The following TPM3 variants were observed in gnomAD, a reference collection of about 807,000 sequenced individuals.
The protein encoded by TPM3 is tropomyosin 3.
A neutral mutation model predicts 43.1 loss-of-function variants in TPM3; 16 were observed. That is an observed-to-expected ratio of 0.37 (90% CI 0.25 to 0.56). The LOEUF (loss-of-function observed/expected upper bound fraction) is 0.56, where lower values mean the gene tolerates loss of function less well. Ranked by LOEUF, TPM3 falls within the 20% of genes least tolerant of loss-of-function variation. The pLI, the probability that TPM3 is intolerant of heterozygous loss-of-function variation, is 0.77. For synonymous variants in TPM3, 101 were observed against 116.9 expected (o/e 0.86, Z 0.88); for missense variants, 176 against 337.2 (o/e 0.52, Z 3.74).
chr1:154,172,259 G>T (rs763649602), intron 5 of TPM3: 1 of 799,056 alleles, frequency 1.3e-6, no homozygotes, highest in Admixed American at 1.8e-5. Flanking sequence ...GTTATGTCTG[G>T]CAGACGGGAA....
rs1223705692 is a variant in TPM3, at chr1:154,164,301, G to A, written c.*3636C>T. ...TTCGGCCCTCCAAGTAGATAGGACT[G>A]CAGGCACGCACCACCATGTTTGGCT... On this transcript the variant is annotated 3_prime_UTR_variant, in exon 10 of 10. Coordinates refer to ENST00000651641, the MANE Select transcript of TPM3 (RefSeq NM_152263.4). Among the ~76,000 whole-genome samples, 1 of 152,036 alleles carries A rather than the reference G, an allele frequency of 6.6e-6. No individual in the cohort carries two copies. Among genetic ancestry groups the A allele is most frequent in the Non-Finnish European group, 1.5e-5 (1 of 68,012 alleles).
chr1:154,168,838 CTTTT>C (rs745516100), intron 9 of TPM3, among the ~76,000 whole-genome samples: 6 of 138,512 alleles, frequency 4.3e-5, no homozygotes, highest in African/African-American at 1.1e-4. Context: ...TAATGTTTTT[CTTTT>C]TTTTTTTTTT....
Position 154,167,509 on chromosome 1 carries a change from G to A in TPM3, c.*428C>T. On this transcript the variant is annotated 3_prime_UTR_variant, in exon 10 of 10. Transcript: ENST00000651641. ...TAAGGAATTTAATCTTGTTCAGCTTGAGGAGTATAACTAAAATTACTATCC... is the reference window on the plus strand; with the variant it reads ...TAAGGAATTTAATCTTGTTCAGCTTAAGGAGTATAACTAAAATTACTATCC... 1 of 1,090,150 alleles carries A rather than the reference G, an allele frequency of 9.2e-7. No individual in the cohort carries two copies. The allele number at this position is 1,090,150 out of a possible 1,614,324, so 67.5% of individuals were successfully genotyped here.
At chr1:154,181,050 C>G (rs929067114) in intron 2 of TPM3, among the ~76,000 whole-genome samples, 7 of 152,162 alleles carry the variant, frequency 4.6e-5, no homozygotes, top group African/African-American at 1.7e-4. Context: ...TCTGTCTTCC[C>G]CTTTAAAGCT....
At chr1:154,174,385 T>TATATATATATATATATATATAC (rs1558049124) in intron 3 of TPM3, among the ~76,000 whole-genome samples, 22 of 94,320 alleles carry the variant, frequency 2.3e-4, no homozygotes, top group South Asian at 7.1e-4. Flanking sequence ...TATATATATA[T>TATATATATATATATATATATAC]ATATATATAT....
rs573651804 is a variant in TPM3 at position 154,166,351 on chromosome 1, G to A, written c.*1586C>T. On this transcript the variant is annotated 3_prime_UTR_variant, in exon 10 of 10. Transcript: ENST00000651641. ...AGGAATTTTGACCTGCTCCATTTCCGACCTGGGCCAGTTCACCCCTTCTTA... is the reference window on the plus strand; with the variant it reads ...AGGAATTTTGACCTGCTCCATTTCCAACCTGGGCCAGTTCACCCCTTCTTA... 17 of 244,256 alleles carry A rather than the reference G, an allele frequency of 7.0e-5. No homozygotes were observed. Among genetic ancestry groups the A allele is most frequent in the Non-Finnish European group, 1.0e-4 (13 of 130,070 alleles). The allele number at this position is 244,256 out of a possible 1,614,324, so 15.1% of individuals were successfully genotyped here. A position where few individuals can be genotyped will look rare whatever the true frequency, so the allele number is the denominator to read the frequency against.
At chr1:154,173,342 C>T in intron 3 of TPM3, 141 bp from the exon 4 acceptor site, 2 of 746,888 alleles carry the variant, frequency 2.7e-6, no homozygotes, top group Admixed American at 4.3e-5. Context: ...TTACTACTCC[C>T]ACACCTTAGT....
intron 2 of TPM3, among the ~76,000 whole-genome samples, chr1:154,180,159 G>C (rs1439714359): frequency 1.3e-5 from 2 of 152,178 alleles, no homozygotes; most frequent in Non-Finnish European, 2.9e-5. Flanking sequence ...TCCAGGCCGA[G>C]AGCAGAAAAG....
intron 8 of TPM3, 97 bp from the exon 9 acceptor site, chr1:154,169,480 G>A: frequency 8.0e-7 from 1 of 1,244,760 alleles, no homozygotes; most frequent in South Asian, 1.2e-5. Context: ...TTAGGAAAGT[G>A]TGACTGTGGG....
At chr1:154,174,215 C>T (rs987382320) in intron 3 of TPM3, among the ~76,000 whole-genome samples, 10 of 149,176 alleles carry the variant, frequency 6.7e-5, no homozygotes, top group African/African-American at 2.5e-4. Flanking sequence ...CGCCTGTAAT[C>T]CCAGCTACTT....
intron 2 of TPM3, among the ~76,000 whole-genome samples, chr1:154,179,830 G>C (rs1173924622): frequency 6.6e-6 from 1 of 152,084 alleles, no homozygotes; most frequent in African/African-American, 2.4e-5. Context: ...GCCTCCCAAA[G>C]GGCTGGGATT....
downstream of TPM3, chr1:154,155,354 G>C (rs1294915322): frequency 2.5e-6 from 1 of 407,892 alleles, no homozygotes; most frequent in East Asian, 4.3e-5. Flanking sequence ...TTCTTCTGTT[G>C]CACACTGTTT....
rs1661046269 is a variant in TPM3, at chr1:154,166,920, T to G, written c.*1017A>C. ...CTGGTCTCGAACTCATGACCTCAGG[T>G]GATCCACCTGCCCCAGCCTCCCAAA... On this transcript the variant is annotated 3_prime_UTR_variant, in exon 10 of 10. Coordinates refer to ENST00000651641, the MANE Select transcript of TPM3 (RefSeq NM_152263.4). Among the ~76,000 whole-genome samples, 1 of 152,132 alleles carries G rather than the reference T, an allele frequency of 6.6e-6. No homozygotes were observed. The highest frequency in any genetic ancestry group is 2.1e-4 in the South Asian group (1 of 4,828).
In TPM3 at chr1:154,172,337, C is replaced by T. The variant is rs1193733505; in HGVS notation, c.566+571G>A. On this transcript the variant is annotated intron_variant, in intron 5 of 9. Transcript: ENST00000651641. The stretch of plus-strand genomic sequence containing the variant: ...TTGTTAATCAAGGCCCAGAAGGTAC[C>T]GACGGGAGAGCAGTTAATATCTACC... The T allele has an allele frequency of 2.9e-6, 2 of 689,376 alleles. No individual in the cohort carries two copies. Among genetic ancestry groups the T allele is most frequent in the Non-Finnish European group, 5.5e-6 (2 of 366,954 alleles). The allele number at this position is 689,376 out of a possible 1,614,324, so 42.7% of individuals were successfully genotyped here.
chr1:154,175,330 C>CAAAA lies in TPM3; in HGVS notation c.377+781_377+784dup, dbSNP rs34360728. 3.3e-3 allele frequency among the ~76,000 whole-genome samples: 295 copies of CAAAA among 89,452 alleles called. 3 individuals carry two copies. Among genetic ancestry groups the CAAAA allele is most frequent in the Non-Finnish European group, 5.5e-3 (251 of 45,510 alleles). The allele number at this position is 89,452 out of a possible 152,430, so 58.7% of individuals were successfully genotyped here. A position where few individuals can be genotyped will look rare whatever the true frequency, so the allele number is the denominator to read the frequency against. On this transcript the variant is annotated intron_variant, in intron 3 of 9. Transcript: ENST00000651641. ...TGGGCTATAGAGCGAGACTCTGTCT[C>CAAAA]AAAAAAAAAAAAAAAAAAAAAATTA... is the stretch of plus-strand genomic sequence containing the variant.
rs1043012281 is a variant in TPM3 at position 154,167,367 on chromosome 1, G to A, written c.*570C>T. The A allele has an allele frequency of 1.9e-6, 2 of 1,059,420 alleles. No homozygotes were observed. The highest frequency in any genetic ancestry group is 2.3e-6 in the Non-Finnish European group (2 of 875,682). 65.6% of individuals were successfully genotyped at this position (1,059,420 alleles called of 1,614,324 possible). Reference sequence around the variant, plus strand: ...CACCATTTGAACCACCGGTAAAAGGGTACAGAATGTGTATTGAGAGTCACT... The same window carrying A: ...CACCATTTGAACCACCGGTAAAAGGATACAGAATGTGTATTGAGAGTCACT... On this transcript the variant is annotated 3_prime_UTR_variant, in exon 10 of 10. Coordinates refer to ENST00000651641, the MANE Select transcript of TPM3 (RefSeq NM_152263.4).
At chr1:154,191,814 C>G in intron 1 of TPM3, 88 bp downstream of exon 1, 1 of 1,575,318 alleles carries the variant, frequency 6.3e-7, no homozygotes, top group South Asian at 1.1e-5. Flanking sequence ...GAGGTGACAC[C>G]AGTAGTCACT....
At chr1:154,187,408 G>A in intron 2 of TPM3, 9 of 984,714 alleles carry the variant, frequency 9.1e-6, no homozygotes, top group Non-Finnish European at 1.1e-5. Context: ...TTGTTCTTAT[G>A]CATATCTCTG....
Position 154,167,221 on chromosome 1 carries a change from G to T in TPM3, c.*716C>A. On this transcript the variant is annotated 3_prime_UTR_variant, in exon 10 of 10. Transcript: ENST00000651641. ...CTCAAATATGTAAGAAAGGTTTAAA[G>T]AAGAAAAAGTAAAAAAACCGTCCAG... The T allele has an allele frequency of 1.2e-6, 1 of 849,432 alleles. No homozygotes were observed. The highest frequency in any genetic ancestry group is 1.4e-6 in the Non-Finnish European group (1 of 706,322). The allele number at this position is 849,432 out of a possible 1,614,324, so 52.6% of individuals were successfully genotyped here. A position where few individuals can be genotyped will look rare whatever the true frequency, so the allele number is the denominator to read the frequency against.
Sources: gnomAD v4.1 joint callset for allele counts (sites outside exome capture counted in the v4.1 genomes callset) on GRCh38, gnomAD v4.1.1 for gene constraint, MANE v1.5 for transcripts, NCBI Gene and HGNC (gene_info 2026-07-23, HGNC 2026-07-21) for gene names.